SLC2A13: variants seen among roughly 807,000 people sequenced by gnomAD.
SLC2A13 encodes solute carrier family 2 member 13.
A neutral mutation model predicts 64.4 loss-of-function variants in SLC2A13; 32 were observed. The ratio of observed to expected loss-of-function variants is 0.50; its 90% CI spans 0.37 to 0.67. The LOEUF (loss-of-function observed/expected upper bound fraction) is 0.67, where lower values mean the gene tolerates loss of function less well. SLC2A13 is among the 30% of genes least tolerant of loss of function. The pLI is 0.00. For missense variants in SLC2A13, 743 were observed against 829.2 expected, an observed-to-expected ratio of 0.90 and a Z score of 1.28; for synonymous variants, 338 against 327.1, an observed-to-expected ratio of 1.03 and a Z score of -0.36.
At chr12:39,810,544 T>C (rs1170248821) in intron 7 of SLC2A13, among the ~76,000 whole-genome samples, 1 of 152,168 alleles carries the variant, frequency 6.6e-6, no homozygotes, top group African/African-American at 2.4e-5. Context: ...GTAGACATTC[T>C]CACCTAGTTT....
chr12:39,980,833 A>T (rs1688993433), intron 3 of SLC2A13, among the ~76,000 whole-genome samples: 3 of 152,218 alleles, frequency 2.0e-5, no homozygotes, highest in African/African-American at 7.2e-5. Flanking sequence ...CCTAACAGAC[A>T]TCTACAGAAC....
intron 2 of SLC2A13, among the ~76,000 whole-genome samples, chr12:40,046,928 G>A (rs1190195552): frequency 1.3e-5 from 2 of 150,344 alleles, no homozygotes; most frequent in East Asian, 1.9e-4. Flanking sequence ...TTGAGATGGA[G>A]TCTCGCTCTG....
chr12:40,056,432 G>C (rs1184510270), intron 1 of SLC2A13, among the ~76,000 whole-genome samples: 1 of 152,184 alleles, frequency 6.6e-6, no homozygotes, highest in Non-Finnish European at 1.5e-5. Flanking sequence ...ACATGGGAAA[G>C]ATCACTGTAT....
chr12:39,998,099 T>G (rs1947262477), intron 3 of SLC2A13, among the ~76,000 whole-genome samples: 1 of 152,132 alleles, frequency 6.6e-6, no homozygotes, highest in African/African-American at 2.4e-5. Flanking sequence ...AATTAGCAAC[T>G]GCAAAAATGT....
At chr12:39,826,930 T>C (rs1182359843) in intron 7 of SLC2A13, among the ~76,000 whole-genome samples, 1 of 141,502 alleles carries the variant, frequency 7.1e-6, no homozygotes, top group Admixed American at 7.7e-5. Context: ...GTGGCTTCCT[T>C]GCCTCCAATA....
intron 7 of SLC2A13, among the ~76,000 whole-genome samples, chr12:39,777,734 A>C (rs1401525297): frequency 6.6e-6 from 1 of 152,244 alleles, no homozygotes; most frequent in African/African-American, 2.4e-5. Context: ...AGGCATCGGC[A>C]TGCCAGCAGG....
intron 7 of SLC2A13, among the ~76,000 whole-genome samples, chr12:39,801,644 C>T (rs989960913): frequency 6.6e-6 from 1 of 152,168 alleles, no homozygotes; most frequent in South Asian, 2.1e-4. Context: ...TAGAAGTCAG[C>T]AGACTTATTT....
At chr12:39,869,443 A>G (rs1045091389) in intron 5 of SLC2A13, among the ~76,000 whole-genome samples, 3 of 152,218 alleles carry the variant, frequency 2.0e-5, no homozygotes, top group Non-Finnish European at 2.9e-5. Context: ...AACCATTGTT[A>G]TATCCACTGT....
intron 7 of SLC2A13, among the ~76,000 whole-genome samples, chr12:39,814,975 C>T (rs2135813935): frequency 6.6e-6 from 1 of 151,694 alleles, no homozygotes; most frequent in East Asian, 1.9e-4. Context: ...ATTCTTCTTA[C>T]ACTTTTTTTT....
chr12:39,926,355 T>C (rs1170292201), intron 4 of SLC2A13, among the ~76,000 whole-genome samples: 1 of 152,186 alleles, frequency 6.6e-6, no homozygotes, highest in African/African-American at 2.4e-5. Context: ...ATCCAAGGCA[T>C]GTTATCATAT....
chr12:39,991,801 C>CT (rs66820991), intron 3 of SLC2A13, among the ~76,000 whole-genome samples: 13,677 of 81,080 alleles, frequency 0.17, 713 homozygotes, highest in Non-Finnish European at 0.23. Context: ...ATTCTACTAT[C>CT]TTTTTAAAAA....
intron 2 of SLC2A13, among the ~76,000 whole-genome samples, chr12:40,040,888 T>C (rs1009919547): frequency 6.6e-6 from 1 of 152,206 alleles, no homozygotes; most frequent in South Asian, 2.1e-4. Context: ...TAAAGTTGTT[T>C]AGAAATAACA....
At chr12:40,080,146 G>A (rs1304372947) in intron 1 of SLC2A13, among the ~76,000 whole-genome samples, 1 of 152,112 alleles carries the variant, frequency 6.6e-6, no homozygotes, top group Non-Finnish European at 1.5e-5. Flanking sequence ...ACCGGTGTGA[G>A]CCACCGCACC....
At chr12:39,977,681 A>G (rs776728495) in intron 3 of SLC2A13, among the ~76,000 whole-genome samples, 73 of 152,228 alleles carry the variant, frequency 4.8e-4, no homozygotes, top group Non-Finnish European at 9.0e-4. Context: ...CACACTCCGA[A>G]TATCCTCAGT....
chr12:39,779,983 AT>A (rs1195034383), intron 7 of SLC2A13, among the ~76,000 whole-genome samples: 1 of 152,192 alleles, frequency 6.6e-6, no homozygotes, highest in Non-Finnish European at 1.5e-5. Flanking sequence ...TTTTCAATCC[AT>A]TTTATAGCTG....
chr12:39,769,301 T>TA (rs1469358504), intron 7 of SLC2A13, among the ~76,000 whole-genome samples: 1 of 152,128 alleles, frequency 6.6e-6, no homozygotes, highest in East Asian at 1.9e-4. Flanking sequence ...GTGACGAACT[T>TA]ACCTCCTTTT....
At chr12:39,970,384 A>T (rs905683176) in intron 3 of SLC2A13, among the ~76,000 whole-genome samples, 5 of 152,142 alleles carry the variant, frequency 3.3e-5, no homozygotes, top group African/African-American at 7.2e-5. Context: ...AAAAGTCATT[A>T]ATTAAACTCT....
At chr12:39,871,752 A>G (rs1415269786) in intron 5 of SLC2A13, 46 bp downstream of exon 5, 4 of 1,527,192 alleles carry the variant, frequency 2.6e-6, no homozygotes, top group Admixed American at 2.1e-5. Flanking sequence ...ACTTGAAGTT[A>G]TTAGGAAATA....
intron 3 of SLC2A13, among the ~76,000 whole-genome samples, chr12:40,000,453 G>A (rs11174688): frequency 0.014 from 2,096 of 152,222 alleles, 49 homozygotes; most frequent in African/African-American, 0.046. Context: ...CCTAATGACC[G>A]ACACATACAC....
Sources: allele counts gnomAD v4.1 joint callset (sites outside exome capture counted in the v4.1 genomes callset), GRCh38; gene constraint gnomAD v4.1.1; transcripts MANE v1.5; gene names NCBI Gene and HGNC (gene_info 2026-07-23, HGNC 2026-07-21).